Variants in PSMB4 observed in about 807,000 individuals in gnomAD.
The protein encoded by PSMB4 is proteasome subunit beta type-4.
Under a neutral mutation model 35.2 loss-of-function variants are expected in PSMB4, and 16 were observed. The observed-to-expected ratio is 0.45, with a 90% CI of 0.31 to 0.69. The LOEUF (loss-of-function observed/expected upper bound fraction) is 0.69, where lower values mean the gene tolerates loss of function less well. Ranked by LOEUF, PSMB4 falls within the 30% of genes least tolerant of loss-of-function variation. The probability of loss-of-function intolerance (pLI) is 0.06; values close to 1 mark genes in which losing one functional copy is unlikely to be tolerated. For missense variants in PSMB4, 333 were observed against 351.8 expected, an observed-to-expected ratio of 0.95 and a Z score of 0.43; for synonymous variants, 144 against 134.1, an observed-to-expected ratio of 1.07 and a Z score of -0.51.
chr1:151,400,884 A>G (rs1158005143), intron 4 of PSMB4, 39 bp downstream of exon 4: 1 of 1,557,424 alleles, frequency 6.4e-7, no homozygotes, highest in South Asian at 1.1e-5. Flanking sequence ...AGGGAAGACA[A>G]AAGGAAATGG....
intron 4 of PSMB4, 178 bp from the exon 5 acceptor site, chr1:151,401,061 C>A: frequency 2.6e-6 from 2 of 755,104 alleles, no homozygotes; most frequent in Middle Eastern, 2.4e-4. Flanking sequence ...AAAGAGAGGA[C>A]ACCCTAGAAC....
chr1:151,399,626 G>A lies in PSMB4; in HGVS notation c.39G>A (p.Ala13=), dbSNP rs149809535. Residue 13 remains alanine, a synonymous_variant, in exon 1 of 7, where the codon GCG becomes GCA. Coordinates refer to ENST00000290541, the MANE Select transcript of PSMB4 (RefSeq NM_002796.3). ...TGGGGTCGCGGTCCGGACTTTGGGC[G>A]GGGGGTCCGGCCCCAGGACAGTTTT... ...AFLGSRSGLW[A]GGPAPGQFYR... 3.7e-6 allele frequency: 6 copies of A among 1,613,508 alleles called. No individual in the cohort carries two copies. Among genetic ancestry groups the A allele is most frequent in the Non-Finnish European group, 1.7e-6 (2 of 1,179,688 alleles).
chr1:151,401,482 C>T (rs967792025), intron 5 of PSMB4, 60 bp from the exon 6 acceptor site: 1 of 1,529,712 alleles, frequency 6.5e-7, no homozygotes, highest in African/African-American at 1.4e-5. Flanking sequence ...AGACCTCCAC[C>T]TGACCTTTCA....
At position 151,401,926 on chromosome 1, in the gene PSMB4, T is replaced by C. The variant is rs972123971; in HGVS notation, c.*97T>C. 10 of 1,306,214 alleles carry C rather than the reference T, an allele frequency of 7.7e-6. No individual in the cohort carries two copies. The African/African-American group carries it at 1.5e-4, about 19-fold the overall frequency. The allele number at this position is 1,306,214 out of a possible 1,614,324, so 80.9% of individuals were successfully genotyped here. ...CTCTTCTTTTGTAAAGTAAATAAAT[T>C]CTTCAAAATGCTTGCTGAGTGGTTT... On this transcript the variant is annotated 3_prime_UTR_variant, in exon 7 of 7. Transcript: ENST00000290541.
chr1:151,399,629 G>C lies in PSMB4; in HGVS notation c.42G>C (p.Gly14=), dbSNP rs1557854228. The change falls in exon 1 of 7, where the codon GGG becomes GGC. Residue 14 remains glycine, a synonymous_variant. Transcript: ENST00000290541. ...GGTCGCGGTCCGGACTTTGGGCGGG[G>C]GGTCCGGCCCCAGGACAGTTTTACC... ...FLGSRSGLWA[G]GPAPGQFYRI... The C allele has an allele frequency of 6.2e-7, 1 of 1,614,118 alleles. No individual in the cohort carries two copies. Among genetic ancestry groups the C allele is most frequent in the Non-Finnish European group, 8.5e-7 (1 of 1,180,016 alleles).
chr1:151,400,239 CCT>C (rs761506837), intron 2 of PSMB4, 52 bp downstream of exon 2: 31 of 1,582,188 alleles, frequency 2.0e-5, no homozygotes, highest in Admixed American at 5.0e-5. Context: ...AGGGGAGTCC[CCT>C]GTTTTTTATT....
In PSMB4 at chr1:151,399,625, C is replaced by T. The variant is rs770030168; in HGVS notation, c.38C>T (p.Ala13Val). The T allele has an allele frequency of 2.5e-6, 4 of 1,613,664 alleles. No individual in the cohort carries two copies. Among genetic ancestry groups the T allele is most frequent in the South Asian group, 1.1e-5 (1 of 91,032 alleles). ...TTGGGGTCGCGGTCCGGACTTTGGG[C>T]GGGGGGTCCGGCCCCAGGACAGTTT... ...AFLGSRSGLW[A>V]GGPAPGQFYR... Residue 13 changes from alanine (A) to valine (V), a missense_variant, in exon 1 of 7, where the codon GCG (alanine) becomes GTG (valine). Coordinates refer to ENST00000290541, the MANE Select transcript of PSMB4 (RefSeq NM_002796.3).
Position 151,400,108 on chromosome 1 carries a change from G to C in PSMB4, c.268G>C (p.Val90Leu). Residue 90 changes from valine (V) to leucine (L), a missense_variant, in exon 2 of 7, where the codon GTC (valine) becomes CTC (leucine). Transcript: ENST00000290541. ...CCGCAACATCTCTCGCATTATGCGA[G>C]TCAACAACAGTACCATGCTGGGTGC... The part of the protein sequence containing the change: ...RFRNISRIMR[V>L]NNSTMLGASG... 6.2e-7 allele frequency: 1 copy of C among 1,614,172 alleles called. No individual in the cohort carries two copies. The highest frequency in any genetic ancestry group is 8.5e-7 in the Non-Finnish European group (1 of 1,180,038).
intron 4 of PSMB4, 24 bp downstream of exon 4, chr1:151,400,869 G>C: frequency 6.3e-7 from 1 of 1,594,702 alleles, no homozygotes; most frequent in Non-Finnish European, 8.6e-7. Flanking sequence ...CTAGAGGTGG[G>C]GGAAAGGGAA....
At chr1:151,400,700 G>T in intron 3 of PSMB4, 64 bp from the exon 4 acceptor site, 2 of 1,610,354 alleles carry the variant, frequency 1.2e-6, no homozygotes, top group Non-Finnish European at 1.7e-6. Flanking sequence ...AGACCCCATG[G>T]TCCCCTTCTT....
intron 2 of PSMB4, 86 bp downstream of exon 2, chr1:151,400,273 C>A: frequency 6.7e-7 from 1 of 1,496,480 alleles, no homozygotes; most frequent in South Asian, 1.1e-5. Flanking sequence ...GATGGGGGGA[C>A]TTGTTGCAGC....
chr1:151,400,607 A>G lies in PSMB4; in HGVS notation c.494+19A>G, dbSNP rs779677108. On this transcript the variant is annotated intron_variant, in intron 3 of 6. Coordinates refer to ENST00000290541, the MANE Select transcript of PSMB4 (RefSeq NM_002796.3). Reference sequence around the variant, plus strand: ...GAGAGAGGTTCATATGAATACAAATAACTTATTTCCTTTACCACCCAACCT... The same window carrying G: ...GAGAGAGGTTCATATGAATACAAATGACTTATTTCCTTTACCACCCAACCT... 6.2e-7 allele frequency: 1 copy of G among 1,614,120 alleles called. No homozygotes were observed. Among genetic ancestry groups the G allele is most frequent in the East Asian group, 2.2e-5 (1 of 44,876 alleles).
In PSMB4 at chr1:151,401,846, C is replaced by T; in HGVS notation, c.*17C>T. On this transcript the variant is annotated 3_prime_UTR_variant, in exon 7 of 7. Coordinates refer to ENST00000290541, the MANE Select transcript of PSMB4 (RefSeq NM_002796.3). ...TTTGAATGAAATACAGATGCATTATCCAGAACTGAAGTTGCCCTACTTTTA... is the reference window on the plus strand; with the variant it reads ...TTTGAATGAAATACAGATGCATTATTCAGAACTGAAGTTGCCCTACTTTTA... The T allele has an allele frequency of 6.2e-7, 1 of 1,608,142 alleles. No individual in the cohort carries two copies. The highest frequency in any genetic ancestry group is 1.7e-5 in the Admixed American group (1 of 59,980).
In PSMB4 at chr1:151,401,307, AC is replaced by A; in HGVS notation, c.646del (p.Arg216AlafsTer29). On this transcript the variant is annotated frameshift_variant, in exon 5 of 7. Transcript: ENST00000290541. LOFTEE classifies it high-confidence loss of function. ...SQTEARDLVE[R>X]CMRVLYYRDA... ...AGACCGAGGCCCGCGACTTAGTAGA[AC>A]GCTGCATGCGAGTGCTGTACTACCG... 1 of 1,614,064 alleles carries A rather than the reference AC, an allele frequency of 6.2e-7. No homozygotes were observed. The highest frequency in any genetic ancestry group is 8.5e-7 in the Non-Finnish European group (1 of 1,180,020).
At chr1:151,401,415 C>G in intron 5 of PSMB4, 60 bp downstream of exon 5, 2 of 1,562,918 alleles carry the variant, frequency 1.3e-6, no homozygotes, top group Non-Finnish European at 1.8e-6. Flanking sequence ...CCCTGGGTCT[C>G]TATGCTTTGA....
chr1:151,399,921 T>C (rs1263054845), intron 1 of PSMB4, 60 bp from the exon 2 acceptor site: 14 of 1,561,952 alleles, frequency 9.0e-6, no homozygotes, highest in Non-Finnish European at 1.1e-5. Flanking sequence ...CGCAGCTCAG[T>C]GCGCGGAAAG....
chr1:151,401,747 C>G, intron 6 of PSMB4, 70 bp from the exon 7 acceptor site: 2 of 1,562,716 alleles, frequency 1.3e-6, no homozygotes, highest in East Asian at 4.5e-5. Context: ...TTTGGTTGGA[C>G]AGTACAGCTA....
intron 1 of PSMB4, 79 bp downstream of exon 1, chr1:151,399,806 G>A: frequency 6.2e-7 from 1 of 1,608,236 alleles, no homozygotes; most frequent in East Asian, 2.2e-5. Flanking sequence ...GAGAGCCCGG[G>A]AAGGTGAGGC....
intron 2 of PSMB4, 108 bp from the exon 3 acceptor site, chr1:151,400,333 GT>G: frequency 6.7e-7 from 1 of 1,486,656 alleles, no homozygotes; most frequent in Non-Finnish European, 9.2e-7. Context: ...TTGCAATAAA[GT>G]TTTTGGCATT....
Sources: gnomAD v4.1 joint callset for allele counts on GRCh38, gnomAD v4.1.1 for gene constraint, MANE v1.5 for transcripts, NCBI Gene and HGNC (gene_info 2026-07-23, HGNC 2026-07-21) for gene names.